QKI: variants seen among roughly 807,000 people sequenced by gnomAD.
QKI encodes KH domain-containing RNA-binding protein QKI.
A neutral mutation model predicts 39.0 loss-of-function variants in QKI; 10 were observed. That is an observed-to-expected ratio of 0.26 (90% confidence interval 0.16 to 0.43). The LOEUF is 0.43. QKI is among the 20% of genes least tolerant of loss of function. The pLI, the probability that QKI is intolerant of heterozygous loss-of-function variation, is 1.00. For synonymous variants in QKI, 204 were observed against 155.4 expected (o/e 1.31, Z -2.33); for missense variants, 218 against 428.0 (o/e 0.51, Z 4.33).
chr6:163,499,968 T>C (rs1778650435), intron 3 of QKI, among the ~76,000 whole-genome samples: 1 of 152,078 alleles, frequency 6.6e-6, no homozygotes, highest in Admixed American at 6.6e-5. Flanking sequence ...GGAGGGCCAA[T>C]GAAGGACTCT....
At chr6:163,437,897 A>G (rs1789441367) in intron 1 of QKI, among the ~76,000 whole-genome samples, 1 of 152,164 alleles carries the variant, frequency 6.6e-6, no homozygotes, top group Admixed American at 6.5e-5. Context: ...AAAAGGTCAG[A>G]TCCTGGAAGA....
chr6:163,418,895 C>T (rs1391940291), intron 1 of QKI, among the ~76,000 whole-genome samples: 1 of 152,034 alleles, frequency 6.6e-6, no homozygotes, highest in Admixed American at 6.5e-5. Context: ...AAATGGAGAA[C>T]TAGTATTTTA....
rs576103905 is a variant in QKI, at chr6:163,454,029, T to C, written c.143-1250T>C. Among the ~76,000 whole-genome samples the C allele has an allele frequency of 1.3e-3, 197 of 152,272 alleles. 1 individual carries two copies. The highest frequency in any genetic ancestry group is 4.6e-3 in the African/African-American group (191 of 41,554). On this transcript the variant is annotated intron_variant, in intron 1 of 7. Transcript: ENST00000361752. ...CTAAGGAACTATCAATAAATTGAAC[T>C]TCCCCATGTTTGGAAAGCATACAAA...
chr6:163,547,580 T>C (rs1013075639), intron 4 of QKI, among the ~76,000 whole-genome samples: 1 of 152,182 alleles, frequency 6.6e-6, no homozygotes, highest in African/African-American at 2.4e-5. Flanking sequence ...ATACATAACA[T>C]TTTGAAAACT....
intron 1 of QKI, among the ~76,000 whole-genome samples, chr6:163,435,487 C>A (rs1384179337): frequency 1.3e-5 from 2 of 152,138 alleles, no homozygotes; most frequent in African/African-American, 2.4e-5. Context: ...CCCATTTTGA[C>A]ATTGAGGAGA....
chr6:163,545,590 G>C (rs1454064947), intron 4 of QKI, among the ~76,000 whole-genome samples: 1 of 152,010 alleles, frequency 6.6e-6, no homozygotes, highest in Admixed American at 6.6e-5. Context: ...GTTTGATCAG[G>C]CTCCTTGGTG....
chr6:163,446,640 A>G (rs1363007187), intron 1 of QKI, among the ~76,000 whole-genome samples: 1 of 152,234 alleles, frequency 6.6e-6, no homozygotes, highest in Non-Finnish European at 1.5e-5. Flanking sequence ...CACATTTTCT[A>G]TTAAATAAAT....
intron 1 of QKI, among the ~76,000 whole-genome samples, chr6:163,442,738 G>A (rs920107048): frequency 2.0e-5 from 3 of 152,134 alleles, no homozygotes; most frequent in South Asian, 2.1e-4. Flanking sequence ...GTTTAGTCTT[G>A]AATGTATCAG....
intron 1 of QKI, among the ~76,000 whole-genome samples, chr6:163,443,150 T>C (rs1335307038): frequency 1.3e-5 from 2 of 152,260 alleles, no homozygotes; most frequent in Non-Finnish European, 2.9e-5. Context: ...TTGAAGGCAC[T>C]GTGTAATATG....
intron 3 of QKI, among the ~76,000 whole-genome samples, chr6:163,503,248 C>T (rs1435118231): frequency 2.0e-5 from 3 of 149,824 alleles, no homozygotes; most frequent in Non-Finnish European, 4.4e-5. Context: ...TCCCAAAGTG[C>T]TAGGATTACA....
intron 6 of QKI, chr6:163,565,082 A>G (rs1267896373): frequency 1.9e-6 from 2 of 1,043,582 alleles, no homozygotes; most frequent in African/African-American, 1.7e-5. Flanking sequence ...TTCATTGTAC[A>G]TGTTTTCTGT....
chr6:163,453,221 A>G (rs1485216303), intron 1 of QKI, among the ~76,000 whole-genome samples: 2 of 150,718 alleles, frequency 1.3e-5, no homozygotes, highest in African/African-American at 2.4e-5. Context: ...CTATTCTTGC[A>G]CTCAGGGTAT....
intron 3 of QKI, among the ~76,000 whole-genome samples, chr6:163,527,591 C>G (rs1780593533): frequency 6.6e-6 from 1 of 152,092 alleles, no homozygotes; most frequent in Admixed American, 6.6e-5. Flanking sequence ...GTTATAGAAT[C>G]CCTTTGTTGT....
intron 2 of QKI, among the ~76,000 whole-genome samples, chr6:163,456,369 C>T (rs13200846): frequency 6.6e-6 from 1 of 152,050 alleles, no homozygotes; most frequent in Non-Finnish European, 1.5e-5. Context: ...TTGTTATTCA[C>T]TGCTGTATCC....
chr6:163,503,548 C>T (rs1211479773), intron 3 of QKI, among the ~76,000 whole-genome samples: 2 of 151,918 alleles, frequency 1.3e-5, no homozygotes, highest in Admixed American at 1.3e-4. Flanking sequence ...GTTTCTTTTG[C>T]TGTGCGGAAA....
chr6:163,441,837 G>A (rs1321127017), intron 1 of QKI, among the ~76,000 whole-genome samples: 1 of 152,182 alleles, frequency 6.6e-6, no homozygotes, highest in African/African-American at 2.4e-5. Context: ...CAGGGACGGA[G>A]GTTAGGTTGG....
At chr6:163,514,177 G>T (rs9295222) in intron 3 of QKI, among the ~76,000 whole-genome samples, 2 of 151,952 alleles carry the variant, frequency 1.3e-5, no homozygotes, top group Admixed American at 6.6e-5. Flanking sequence ...GCTTACTGCT[G>T]CCTAGCTTAT....
chr6:163,465,987 G>C (rs568858221), intron 2 of QKI, among the ~76,000 whole-genome samples: 1 of 151,954 alleles, frequency 6.6e-6, no homozygotes, highest in South Asian at 2.1e-4. Flanking sequence ...ACAACTGGGT[G>C]TGGTGGTGCA....
intron 6 of QKI, chr6:163,564,987 T>TC (rs1783263616): frequency 7.9e-7 from 1 of 1,266,188 alleles, no homozygotes; most frequent in Non-Finnish European, 1.0e-6. Context: ...AATTCGTTGT[T>TC]CAAGTAAAGA....
Sources: allele counts gnomAD v4.1 joint callset (sites outside exome capture counted in the v4.1 genomes callset), GRCh38; gene constraint gnomAD v4.1.1; transcripts MANE v1.5; gene names NCBI Gene and HGNC (gene_info 2026-07-23, HGNC 2026-07-21).